Variants in FHIT observed in about 807,000 individuals in gnomAD.
FHIT encodes the protein bis(5'-adenosyl)-triphosphatase.
Under a neutral mutation model 17.9 loss-of-function variants are expected in FHIT, and 19 were observed. The observed-to-expected ratio is 1.06, with a 90% CI of 0.74 to 1.56. The LOEUF is 1.56. Among genes scored for constraint, FHIT ranks in the 40% most tolerant of loss-of-function variants. FHIT has a pLI of 0.00. For synonymous variants in FHIT, 81 were observed against 69.7 expected, an observed-to-expected ratio of 1.16 and a Z score of -0.81; for missense variants, 248 against 189.2, an observed-to-expected ratio of 1.31 and a Z score of -1.82.
intron 2 of FHIT, among the ~76,000 whole-genome samples, chr3:61,045,119 T>A (rs1239132516): frequency 3.9e-5 from 6 of 152,192 alleles, no homozygotes; most frequent in Non-Finnish European, 1.5e-5. Flanking sequence ...CAGGATTAAA[T>A]ACACACATAA....
At chr3:60,194,868 T>G (rs1408525395) in intron 5 of FHIT, among the ~76,000 whole-genome samples, 2 of 151,854 alleles carry the variant, frequency 1.3e-5, no homozygotes, top group African/African-American at 4.8e-5. Context: ...GAAATGCAAA[T>G]TAAAACCACA....
intron 7 of FHIT, among the ~76,000 whole-genome samples, chr3:59,950,298 G>T (rs1056645774): frequency 6.6e-6 from 1 of 152,138 alleles, no homozygotes. Flanking sequence ...CATTAAACAG[G>T]TTCTCCATGA....
intron 8 of FHIT, among the ~76,000 whole-genome samples, chr3:59,768,908 A>G (rs113512601): frequency 0.025 from 3,876 of 152,350 alleles, 184 homozygotes; most frequent in African/African-American, 0.088. Context: ...AAATGTAACT[A>G]TATTTACTGA....
intron 3 of FHIT, among the ~76,000 whole-genome samples, chr3:60,934,017 GTTAA>G (rs1435753960): frequency 9.9e-5 from 15 of 152,124 alleles, no homozygotes; most frequent in Admixed American, 1.3e-4. Flanking sequence ...TTAATTTGAG[GTTAA>G]TTAAATAGTG....
chr3:60,215,214 G>A (rs1559734319), intron 5 of FHIT, among the ~76,000 whole-genome samples: 1 of 152,082 alleles, frequency 6.6e-6, no homozygotes, highest in Non-Finnish European at 1.5e-5. Flanking sequence ...AAAATAGGCT[G>A]GGCCTGGTGG....
intron 5 of FHIT, among the ~76,000 whole-genome samples, chr3:60,408,414 C>T (rs1046824258): frequency 6.6e-6 from 1 of 152,126 alleles, no homozygotes; most frequent in African/African-American, 2.4e-5. Flanking sequence ...ACAACATTAA[C>T]ATGATGTGGA....
chr3:60,159,572 G>A (rs910263578), intron 5 of FHIT, among the ~76,000 whole-genome samples: 8 of 152,172 alleles, frequency 5.3e-5, no homozygotes, highest in African/African-American at 1.9e-4. Context: ...CACCTTCTTA[G>A]CAATCTACCT....
rs191119957 is a variant in FHIT, at chr3:60,711,817, G to A, written c.-18+110102C>T. ...CATGTTTGGTGTACCTGAAGGTGAC[G>A]GGGAGAATGGAACCAAGTTGGAAAA... is the stretch of plus-strand genomic sequence containing the variant. On this transcript the variant is annotated intron_variant, in intron 4 of 9. Coordinates refer to ENST00000492590, the MANE Select transcript of FHIT (RefSeq NM_002012.4). Among the ~76,000 whole-genome samples, 251 of 152,288 alleles carry A rather than the reference G, an allele frequency of 1.6e-3. 2 individuals are homozygous for A. The highest frequency in any genetic ancestry group is 5.8e-3 in the African/African-American group (241 of 41,548).
chr3:59,820,386 C>A (rs1042442347), intron 8 of FHIT, among the ~76,000 whole-genome samples: 2 of 152,166 alleles, frequency 1.3e-5, no homozygotes, highest in African/African-American at 4.8e-5. Flanking sequence ...CTTACACATG[C>A]CTAGGCCCCA....
intron 8 of FHIT, among the ~76,000 whole-genome samples, chr3:59,772,379 T>C (rs933154216): frequency 6.6e-6 from 1 of 152,252 alleles, no homozygotes; most frequent in African/African-American, 2.4e-5. Flanking sequence ...TATGCAGCAA[T>C]GCAGGTGGAA....
intron 4 of FHIT, among the ~76,000 whole-genome samples, chr3:60,765,923 T>C (rs1699835956): frequency 6.6e-6 from 1 of 152,164 alleles, no homozygotes; most frequent in Admixed American, 6.6e-5. Flanking sequence ...GGACATCAGA[T>C]TCCAGGTTCT....
intron 5 of FHIT, among the ~76,000 whole-genome samples, chr3:60,342,300 T>C (rs988073926): frequency 6.6e-6 from 1 of 152,234 alleles, no homozygotes; most frequent in Non-Finnish European, 1.5e-5. Context: ...AGGCAGCTGA[T>C]CACTCAATAG....
rs138417506 is a variant in FHIT, at chr3:61,128,132, A to G, written c.-164+72485T>C. On this transcript the variant is annotated intron_variant, in intron 2 of 9. Transcript: ENST00000492590. Reference sequence around the variant, plus strand: ...GATCTGAAGAGAAAAATCAGTAAACAAAGTTATTTAGTGCAAGGACAACAT... The same window carrying G: ...GATCTGAAGAGAAAAATCAGTAAACGAAGTTATTTAGTGCAAGGACAACAT... Among the ~76,000 whole-genome samples the G allele has an allele frequency of 3.9e-5, 6 of 152,330 alleles. No homozygotes were observed. In the East Asian group the frequency reaches 9.6e-4, roughly 24 times the overall value.
chr3:61,223,866 A>ATGAT (rs200938562), intron 1 of FHIT, among the ~76,000 whole-genome samples: 19,281 of 152,218 alleles, frequency 0.13, 1,290 homozygotes, highest in South Asian at 0.22. Flanking sequence ...TATTCAAGCC[A>ATGAT]ACAGAATATG....
In FHIT at chr3:59,823,402, A is replaced by ATC. The variant is rs569522917; in HGVS notation, c.349-71082_349-71081insGA. On this transcript the variant is annotated intron_variant, in intron 8 of 9. Coordinates refer to ENST00000492590, the MANE Select transcript of FHIT (RefSeq NM_002012.4). ...TAGGCAGTATGGTCATTTTCACAAT[A>ATC]TTGATTCTACTCAATATCCCTGAAG... Among the ~76,000 whole-genome samples the ATC allele has an allele frequency of 5.5e-4, 83 of 152,280 alleles. 1 individual carries two copies. The highest frequency in any genetic ancestry group is 4.8e-3 in the Admixed American group (74 of 15,292).
At chr3:60,974,079 A>G (rs1457891642) in intron 3 of FHIT, among the ~76,000 whole-genome samples, 10 of 152,196 alleles carry the variant, frequency 6.6e-5, no homozygotes, top group Admixed American at 5.9e-4. Context: ...TGCCTGGCTC[A>G]CTACATATTT....
chr3:59,855,395 T>G (rs1052027735), intron 8 of FHIT, among the ~76,000 whole-genome samples: 41 of 152,200 alleles, frequency 2.7e-4, no homozygotes, highest in African/African-American at 9.7e-4. Context: ...TTTTATTGCA[T>G]GTATAATTGG....
chr3:60,179,167 AT>A (rs1701812690), intron 5 of FHIT, among the ~76,000 whole-genome samples: 1 of 152,176 alleles, frequency 6.6e-6, no homozygotes, highest in South Asian at 2.1e-4. Flanking sequence ...CATTAGGCGC[AT>A]TTCAGTCTCA....
intron 7 of FHIT, among the ~76,000 whole-genome samples, chr3:59,945,814 CT>C (rs1265193927): frequency 6.6e-6 from 1 of 151,972 alleles, no homozygotes; most frequent in Non-Finnish European, 1.5e-5. Flanking sequence ...TTTTGGTCAG[CT>C]TTGTTGAAGA....
Sources: gnomAD v4.1 joint callset for allele counts (sites outside exome capture counted in the v4.1 genomes callset) on GRCh38, gnomAD v4.1.1 for gene constraint, MANE v1.5 for transcripts, NCBI Gene and HGNC (gene_info 2026-07-23, HGNC 2026-07-21) for gene names.